WWOX: variants seen among roughly 807,000 people sequenced by gnomAD.
The protein encoded by WWOX is WW domain containing oxidoreductase.
A neutral mutation model predicts 46.2 loss-of-function variants in WWOX; 69 were observed. That is an observed-to-expected ratio of 1.49 (90% confidence interval 1.23 to 1.82). The LOEUF is 1.82. Ranked by LOEUF, WWOX falls within the 40% of genes most tolerant of loss-of-function variation. WWOX has a pLI of 0.00. For missense variants in WWOX, 919 were observed against 542.6 expected (o/e 1.69, Z -6.89); for synonymous variants, 359 against 202.6 (o/e 1.77, Z -6.56).
At chr16:78,768,168 G>C (rs896201149) in intron 8 of WWOX, among the ~76,000 whole-genome samples, 1 of 148,656 alleles carries the variant, frequency 6.7e-6, no homozygotes, top group African/African-American at 2.5e-5. Context: ...GGGGGGGTCG[G>C]TTATTTTATA....
At chr16:79,155,495 A>G (rs1039311813) in intron 8 of WWOX, among the ~76,000 whole-genome samples, 6 of 152,138 alleles carry the variant, frequency 3.9e-5, no homozygotes, top group African/African-American at 1.2e-4. Context: ...AAATGTAATC[A>G]TTTTAAAATG....
intron 8 of WWOX, among the ~76,000 whole-genome samples, chr16:79,189,421 CTTTGTGTG>C (rs1262736578): frequency 1.6e-5 from 2 of 126,758 alleles, no homozygotes; most frequent in Admixed American, 8.2e-5. Flanking sequence ...CCACTCCCAG[CTTTGTGTG>C]TGTGTGTGTG....
intron 5 of WWOX, among the ~76,000 whole-genome samples, chr16:78,217,959 A>G (rs544826262): frequency 2.1e-4 from 32 of 152,194 alleles, no homozygotes; most frequent in Non-Finnish European, 4.6e-4. Flanking sequence ...GTATTTATGC[A>G]GCAGCCTCCT....
At chr16:78,443,309 A>G (rs1038973423) in intron 8 of WWOX, among the ~76,000 whole-genome samples, 4 of 152,090 alleles carry the variant, frequency 2.6e-5, no homozygotes, top group East Asian at 1.9e-4. Context: ...AAAAACAAAA[A>G]AACAAAAAAA....
chr16:78,982,583 C>A (rs531209240), intron 8 of WWOX, among the ~76,000 whole-genome samples: 1 of 152,192 alleles, frequency 6.6e-6, no homozygotes, highest in Non-Finnish European at 1.5e-5. Context: ...GTTAGCTAGG[C>A]GCTGCTATTG....
chr16:78,762,348 G>A (rs2049815062), intron 8 of WWOX, among the ~76,000 whole-genome samples: 1 of 152,142 alleles, frequency 6.6e-6, no homozygotes, highest in Non-Finnish European at 1.5e-5. Flanking sequence ...AGGCCTGACT[G>A]ACCCCAGGCC....
intron 8 of WWOX, among the ~76,000 whole-genome samples, chr16:78,640,226 G>GTTTTTT (rs34129775): frequency 4.6e-5 from 3 of 65,346 alleles, no homozygotes; most frequent in East Asian, 5.7e-4. Flanking sequence ...TTGTTGTTGG[G>GTTTTTT]TTTTTTTTTT....
intron 8 of WWOX, among the ~76,000 whole-genome samples, chr16:78,799,288 C>T (rs1371095047): frequency 6.6e-6 from 1 of 152,132 alleles, no homozygotes; most frequent in Non-Finnish European, 1.5e-5. Context: ...AGGGTACAGT[C>T]TGTGAGAAGG....
At chr16:78,542,065 A>G (rs921889576) in intron 8 of WWOX, among the ~76,000 whole-genome samples, 1 of 139,420 alleles carries the variant, frequency 7.2e-6, no homozygotes, top group Non-Finnish European at 1.5e-5. Context: ...CACAGACCCC[A>G]GCTTAGGACC....
At chr16:79,202,274 G>A (rs1412923117) in intron 8 of WWOX, among the ~76,000 whole-genome samples, 3 of 152,126 alleles carry the variant, frequency 2.0e-5, no homozygotes, top group Non-Finnish European at 4.4e-5. Context: ...ACTTAGTAGT[G>A]TTGTCACTTT....
At chr16:78,646,572 T>A (rs2046849777) in intron 8 of WWOX, among the ~76,000 whole-genome samples, 1 of 151,966 alleles carries the variant, frequency 6.6e-6, no homozygotes, top group African/African-American at 2.4e-5. Flanking sequence ...GAATTACACG[T>A]ATGTACCACT....
intron 8 of WWOX, among the ~76,000 whole-genome samples, chr16:78,603,545 T>G (rs1390747016): frequency 6.6e-6 from 1 of 151,946 alleles, no homozygotes; most frequent in Non-Finnish European, 1.5e-5. Context: ...AAATAAAAAA[T>G]TAGCTGGGCG....
chr16:78,754,781 G>T (rs1291754992), intron 8 of WWOX, among the ~76,000 whole-genome samples: 1 of 152,098 alleles, frequency 6.6e-6, no homozygotes, highest in African/African-American at 2.4e-5. Context: ...CAGTGTGAAT[G>T]AGATGACCTC....
intron 8 of WWOX, among the ~76,000 whole-genome samples, chr16:78,665,458 C>A (rs1049279910): frequency 6.6e-5 from 10 of 152,126 alleles, no homozygotes; most frequent in Admixed American, 3.9e-4. Context: ...GCCGTACTTT[C>A]CTGACATGTG....
chr16:78,154,359 C>T (rs1309741421), intron 4 of WWOX, among the ~76,000 whole-genome samples: 1 of 152,040 alleles, frequency 6.6e-6, no homozygotes, highest in East Asian at 1.9e-4. Context: ...GTGTTTACTC[C>T]CTGCCTAAAT....
At chr16:78,545,446 G>C (rs998566068) in intron 8 of WWOX, among the ~76,000 whole-genome samples, 2 of 152,166 alleles carry the variant, frequency 1.3e-5, no homozygotes, top group African/African-American at 4.8e-5. Context: ...TCAAAGTCCT[G>C]GGATGAAGAG....
At chr16:78,502,243 G>A (rs2085088416) in intron 8 of WWOX, among the ~76,000 whole-genome samples, 1 of 152,078 alleles carries the variant, frequency 6.6e-6, no homozygotes, top group Non-Finnish European at 1.5e-5. Context: ...CAATTCAATG[G>A]CTTTTAGTGT....
At chr16:78,720,314 TGAATTATTTTTCTTTCTTTTCACAAGAAA>T (rs529834788) in intron 8 of WWOX, among the ~76,000 whole-genome samples, 38 of 151,438 alleles carry the variant, frequency 2.5e-4, no homozygotes, top group South Asian at 2.1e-3. Flanking sequence ...TAGATCTTTC[TGAATTATTTTTCTTTCTTTTCACAAGAAA>T]GAATTATTTT....
chr16:78,114,375 C>T (rs890359665), intron 3 of WWOX, among the ~76,000 whole-genome samples: 2 of 152,224 alleles, frequency 1.3e-5, no homozygotes, highest in Non-Finnish European at 2.9e-5. Context: ...GCCGAGATTA[C>T]AGGCGTGAGC....
Sources: gnomAD v4.1 joint callset for allele counts (sites outside exome capture counted in the v4.1 genomes callset) on GRCh38, gnomAD v4.1.1 for gene constraint, MANE v1.5 for transcripts, NCBI Gene and HGNC (gene_info 2026-07-23, HGNC 2026-07-21) for gene names.